Variants in NSFL1C observed in about 807,000 individuals in gnomAD.
NSFL1C encodes NSFL1 cofactor p47.
NSFL1C carries 14 observed loss-of-function variants against 43.1 expected under a neutral mutation model. That is an observed-to-expected ratio of 0.32 (90% CI 0.21 to 0.51). NSFL1C has a LOEUF of 0.51. Ranked by LOEUF, NSFL1C falls within the 20% of genes least tolerant of loss-of-function variation. NSFL1C has a pLI of 0.98. For synonymous variants in NSFL1C, 171 were observed against 183.5 expected (o/e 0.93, Z 0.55); for missense variants, 406 against 472.5 (o/e 0.86, Z 1.30).
Position 1,443,680 on chromosome 20 carries a change from C to T in NSFL1C, c.*69G>A, listed in dbSNP as rs1204304358. On this transcript the variant is annotated 3_prime_UTR_variant, in exon 9 of 9. Coordinates refer to ENST00000216879, the MANE Select transcript of NSFL1C (RefSeq NM_016143.5). ...GGTGTGCACAAGGGGGCAGGAGGGGCGATCCCCATGGGGCATGGCCACTGG... is the reference window on the plus strand; with the variant it reads ...GGTGTGCACAAGGGGGCAGGAGGGGTGATCCCCATGGGGCATGGCCACTGG... 22 of 1,555,822 alleles carry T rather than the reference C, an allele frequency of 1.4e-5. No homozygotes were observed. The highest frequency in any genetic ancestry group is 4.5e-5 in the East Asian group (2 of 44,218).
chr20:1,455,145 T>G lies in NSFL1C; in HGVS notation c.279-13A>C. ...CCCAGCATAAAACCTGTGTACAAAA[T>G]ACACCTCTAACATGAAACACTCATG... On this transcript the variant is annotated splice_polypyrimidine_tract_variant and intron_variant, in intron 3 of 8. Transcript: ENST00000216879. The G allele has an allele frequency of 1.2e-6, 2 of 1,614,106 alleles. No individual in the cohort carries two copies. Among genetic ancestry groups the G allele is most frequent in the Non-Finnish European group, 1.7e-6 (2 of 1,179,982 alleles).
intron 2 of NSFL1C, among the ~76,000 whole-genome samples, chr20:1,459,897 T>C (rs999970136): frequency 3.3e-5 from 5 of 152,200 alleles, no homozygotes; most frequent in African/African-American, 1.2e-4. Flanking sequence ...GAAAAAAATA[T>C]TTTCTATCTC....
intron 3 of NSFL1C, chr20:1,457,156 C>T (rs192573661): frequency 6.6e-6 from 1 of 152,100 alleles, no homozygotes; most frequent in Non-Finnish European, 1.5e-5. Context: ...GGGAAATATA[C>T]ACTTATAAGC....
chr20:1,463,443 T>C (rs1195464697), intron 2 of NSFL1C: 1 of 152,224 alleles, frequency 6.6e-6, no homozygotes, highest in Non-Finnish European at 1.5e-5. Flanking sequence ...CTCTTTTCTC[T>C]GGATGGGAGT....
chr20:1,466,809 G>A lies in NSFL1C; in HGVS notation c.16C>T (p.Gln6Ter). Residue 6 changes from glutamine (Q) to a stop codon, truncating the protein, a stop_gained, in exon 1 of 9, where the codon CAG becomes TAG. Coordinates refer to ENST00000216879, the MANE Select transcript of NSFL1C (RefSeq NM_016143.5). LOFTEE classifies it high-confidence loss of function. ...GCCACGAACTCCCTCAGCGCCTCCTGTCGCTCCGCCGCCATCTTCGCCCCG... is the reference window on the plus strand; with the variant it reads ...GCCACGAACTCCCTCAGCGCCTCCTATCGCTCCGCCGCCATCTTCGCCCCG... MAAER[Q>*]EALREFVAVT... 6 of 1,547,386 alleles carry A rather than the reference G, an allele frequency of 3.9e-6. No homozygotes were observed. The highest frequency in any genetic ancestry group is 5.2e-6 in the Non-Finnish European group (6 of 1,149,332).
At chr20:1,455,760 C>A (rs1470874369) in intron 3 of NSFL1C, 1 of 779,028 alleles carries the variant, frequency 1.3e-6, no homozygotes, top group Non-Finnish European at 2.4e-6. Flanking sequence ...CAGATGTATG[C>A]AAAAGAACAA....
intron 2 of NSFL1C, among the ~76,000 whole-genome samples, chr20:1,461,982 C>T (rs971820890): frequency 6.6e-6 from 1 of 152,188 alleles, no homozygotes; most frequent in African/African-American, 2.4e-5. Flanking sequence ...CATGGACTCT[C>T]TTGCCACAAA....
chr20:1,444,606 C>T (rs2090018368), intron 8 of NSFL1C, among the ~76,000 whole-genome samples: 1 of 152,112 alleles, frequency 6.6e-6, no homozygotes, highest in Non-Finnish European at 1.5e-5. Flanking sequence ...TCCTTTTTGC[C>T]CCAAACCCCT....
In NSFL1C at chr20:1,458,230, T is replaced by A. The variant is rs1568625866; in HGVS notation, c.248A>T (p.Asp83Val). The stretch of plus-strand genomic sequence containing the variant: ...GCCTTCCTCTTCCTCCTCATCTTCA[T>A]CTTGGTCATGAATGAGGTCTCTGAA... Reference protein sequence around the residue: ...TSFRDLIHDQDEDEEEEEGQR... With the variant: ...TSFRDLIHDQVEDEEEEEGQR... Residue 83 changes from aspartate (D) to valine (V), a missense_variant, in exon 3 of 9, where the codon GAT becomes GTT. Around this residue, in one of 3 missense-constraint regions of NSFL1C, gnomAD observed 203 missense variants for 216.3 expected, o/e 0.94. Coordinates refer to ENST00000216879, the MANE Select transcript of NSFL1C (RefSeq NM_016143.5). 6.2e-7 allele frequency: 1 copy of A among 1,613,846 alleles called. No individual in the cohort carries two copies. The highest frequency in any genetic ancestry group is 8.5e-7 in the Non-Finnish European group (1 of 1,179,792).
chr20:1,444,782 T>G (rs977283362), intron 8 of NSFL1C, among the ~76,000 whole-genome samples: 2 of 152,186 alleles, frequency 1.3e-5, no homozygotes, highest in Non-Finnish European at 2.9e-5. Context: ...GAAATGAAAC[T>G]GAGACAAATA....
Position 1,458,266 on chromosome 20 carries a change from C to T in NSFL1C, c.212G>A (p.Arg71Lys), listed in dbSNP as rs1173320354. ...VSRGTAPSDN[R>K]VTSFRDLIHD... is the part of the protein sequence containing the mutation. ...AATGAGGTCTCTGAAGGATGTCACTCTATTATCACTGGAGACACAGAAAGG... is the reference window on the plus strand; with the variant it reads ...AATGAGGTCTCTGAAGGATGTCACTTTATTATCACTGGAGACACAGAAAGG... The change falls in exon 3 of 9, where the codon AGA (arginine) becomes AAA (lysine). Residue 71 changes from arginine to lysine, a missense_variant. By Grantham distance (26) the Arg-to-Lys change is conservative (BLOSUM62 2). This residue lies in a region of NSFL1C where 203 missense variants were observed against 216.3 expected (regional missense o/e 0.94). Transcript: ENST00000216879. 2 of 1,613,374 alleles carry T rather than the reference C, an allele frequency of 1.2e-6. No homozygotes were observed. Among genetic ancestry groups the T allele is most frequent in the African/African-American group, 2.7e-5 (2 of 74,864 alleles).
chr20:1,453,741 T>C (rs913362867), intron 5 of NSFL1C, among the ~76,000 whole-genome samples: 2 of 152,116 alleles, frequency 1.3e-5, no homozygotes, highest in Non-Finnish European at 2.9e-5. Flanking sequence ...TGGTATAATA[T>C]TGAATAAAAA....
chr20:1,461,938 A>T (rs1199340733), intron 2 of NSFL1C, among the ~76,000 whole-genome samples: 1 of 152,190 alleles, frequency 6.6e-6, no homozygotes, highest in African/African-American at 2.4e-5. Context: ...TAACATTTTT[A>T]TGTCTGTCAG....
rs140902201 is a variant in NSFL1C at position 1,450,267 on chromosome 20, A to C, written c.785+2226T>G. 5.0e-3 allele frequency among the ~76,000 whole-genome samples: 756 copies of C among 152,296 alleles called. 13 individuals carry two copies. Among genetic ancestry groups the C allele is most frequent in the African/African-American group, 0.017 (724 of 41,570 alleles). ...GAAAAACATAGTAAAATTTATGAGA[A>C]AAACTAAAGCAGCTGTCCTGATTTA... is the stretch of plus-strand genomic sequence containing the variant. On this transcript the variant is annotated intron_variant, in intron 7 of 8. Coordinates refer to ENST00000216879, the MANE Select transcript of NSFL1C (RefSeq NM_016143.5).
chr20:1,453,501 T>C (rs891893311), intron 5 of NSFL1C, among the ~76,000 whole-genome samples: 1 of 152,210 alleles, frequency 6.6e-6, no homozygotes, highest in Non-Finnish European at 1.5e-5. Context: ...ATCTTGCTCA[T>C]GGACTATTCC....
At chr20:1,446,086 C>A in intron 7 of NSFL1C, 1 of 548,572 alleles carries the variant, frequency 1.8e-6, no homozygotes. Flanking sequence ...GCAAGTTACT[C>A]GGCCTTTTTC....
At chr20:1,458,121 AG>A (rs2090339255) in intron 3 of NSFL1C, 78 bp downstream of exon 3, 2 of 1,103,574 alleles carry the variant, frequency 1.8e-6, no homozygotes, top group African/African-American at 1.5e-5. Context: ...CATGTTTACC[AG>A]GTCCTGTTCT....
At chr20:1,466,681 T>C (rs933668740) in intron 1 of NSFL1C, 39 bp downstream of exon 1, 1 of 1,516,556 alleles carries the variant, frequency 6.6e-7, no homozygotes, top group African/African-American at 1.4e-5. Context: ...CTCCCAGCAG[T>C]CCCCGGCCCA....
chr20:1,465,724 T>C (rs1000439617), intron 1 of NSFL1C, among the ~76,000 whole-genome samples: 1 of 152,206 alleles, frequency 6.6e-6, no homozygotes, highest in Non-Finnish European at 1.5e-5. Flanking sequence ...ATAGTGTTGC[T>C]AGGATCCAAC....
Sources: gnomAD v4.1 joint callset for allele counts (sites outside exome capture counted in the v4.1 genomes callset) on GRCh38, gnomAD v4.1.1 for gene constraint, gnomAD v4.1.1 regional missense constraint, MANE v1.5 for transcripts, NCBI Gene and HGNC (gene_info 2026-07-23, HGNC 2026-07-21) for gene names.